The following SYTL5 variants were observed in gnomAD, a reference collection of about 807,000 sequenced individuals.
The protein encoded by SYTL5 is synaptotagmin like 5.
SYTL5 carries 34 observed loss-of-function variants against 55.9 expected under a neutral mutation model. The observed-to-expected ratio is 0.61, with a 90% CI of 0.46 to 0.81. The LOEUF (loss-of-function observed/expected upper bound fraction) is 0.81, where lower values mean the gene tolerates loss of function less well. Among genes scored for constraint, SYTL5 ranks in the 30% least tolerant of loss-of-function variants. SYTL5 has a pLI of 0.00. For synonymous variants in SYTL5, 221 were observed against 188.7 expected (o/e 1.17, Z -1.40); for missense variants, 637 against 546.7 (o/e 1.17, Z -1.65).
the SYTL5 span, among the ~76,000 whole-genome samples, chrX:37,977,706 A>T: frequency 1.6e-5 from 1 of 61,420 alleles, no homozygotes; most frequent in African/African-American, 1.6e-4. Context: ...ATGATCACAC[A>T]CACACACACA....
chrX:38,014,909 G>A (rs1404955220), intron 1 of SYTL5, among the ~76,000 whole-genome samples: 1 of 112,057 alleles, frequency 8.9e-6, no homozygotes, highest in Non-Finnish European at 1.9e-5. Flanking sequence ...AATTGTGAGG[G>A]AGGTATGTAG....
intron 16 of SYTL5, among the ~76,000 whole-genome samples, chrX:38,126,057 G>C (rs1434427315): frequency 8.9e-6 from 1 of 112,098 alleles, no homozygotes; most frequent in Non-Finnish European, 1.9e-5. Flanking sequence ...TTGGAAGAGG[G>C]ATTACAGTAG....
At chrX:38,035,271 G>A (rs1287542585) in intron 2 of SYTL5, among the ~76,000 whole-genome samples, 1 of 112,301 alleles carries the variant, frequency 8.9e-6, no homozygotes, top group Non-Finnish European at 1.9e-5. Context: ...GACATTAGTA[G>A]TCAAGTCATG....
Position 38,114,607 on chromosome X carries a change from T to C in SYTL5, c.1596+4125T>C, listed in dbSNP as rs763261829. The stretch of plus-strand genomic sequence containing the variant: ...TCATGTAAAATATGGTTTCTAAATA[T>C]GTATATATTATGGAATGGCTACATC... On this transcript the variant is annotated intron_variant, in intron 13 of 16. Transcript: ENST00000297875. 6.2e-5 allele frequency among the ~76,000 whole-genome samples: 7 copies of C among 112,066 alleles called. No homozygotes were observed. In the Admixed American group the frequency reaches 6.6e-4, roughly 11 times the overall value.
At chrX:38,085,260 C>G (rs748459727) in intron 6 of SYTL5, among the ~76,000 whole-genome samples, 1 of 111,741 alleles carries the variant, frequency 8.9e-6, no homozygotes, top group Admixed American at 9.5e-5. Context: ...TTGGAATCAC[C>G]TGGGGAGTTT....
the SYTL5 span, chrX:37,991,069 G>A: frequency 8.3e-7 from 1 of 1,209,677 alleles, no homozygotes; most frequent in Non-Finnish European, 1.1e-6. Context: ...AACAATGGCA[G>A]TATGCGCAAC....
chrX:37,993,445 A>G, the SYTL5 span, among the ~76,000 whole-genome samples: 1 of 112,379 alleles, frequency 8.9e-6, no homozygotes, highest in Non-Finnish European at 1.9e-5. Context: ...GCTCTGATAG[A>G]TGAATCCACT....
chrX:38,118,982 T>C (rs1417796330), intron 13 of SYTL5, among the ~76,000 whole-genome samples: 1 of 104,323 alleles, frequency 9.6e-6, no homozygotes, highest in African/African-American at 3.5e-5. Context: ...TGTACGCATA[T>C]ACATATATAT....
intron 3 of SYTL5, among the ~76,000 whole-genome samples, chrX:38,061,090 T>G (rs1935929958): frequency 8.9e-6 from 1 of 112,203 alleles, no homozygotes; most frequent in African/African-American, 3.2e-5. Context: ...AATTTCTGTC[T>G]TGATGCGTTA....
the SYTL5 span, among the ~76,000 whole-genome samples, chrX:37,945,447 A>G: frequency 9.0e-6 from 1 of 111,246 alleles, no homozygotes; most frequent in South Asian, 3.8e-4. Context: ...ACAGCGCCCA[A>G]AAGACTGGTG....
At chrX:37,921,941 C>T in the SYTL5 span, among the ~76,000 whole-genome samples, 3 of 111,804 alleles carry the variant, frequency 2.7e-5, no homozygotes, top group Non-Finnish European at 5.7e-5. Flanking sequence ...ACACTGACAA[C>T]GAAATGCTAC....
Position 38,083,774 on chromosome X carries a change from A to G in SYTL5, c.690-5672A>G, listed in dbSNP as rs200411408. On this transcript the variant is annotated intron_variant, in intron 6 of 16. Coordinates refer to ENST00000297875, the MANE Select transcript of SYTL5 (RefSeq NM_138780.3). ...AAGAGTTTAGTTTTTAAATAGACTC[A>G]TGTGTGTGTGTGTGTGTGTGTGTGT... Among the ~76,000 whole-genome samples the G allele has an allele frequency of 7.0e-3, 664 of 94,335 alleles. 23 individuals carry two copies. Among genetic ancestry groups the G allele is most frequent in the Admixed American group, 0.06 (505 of 8,463 alleles). 81.9% of individuals were successfully genotyped at this position (94,335 alleles called of 115,157 possible).
chrX:37,891,650 T>C, the SYTL5 span, among the ~76,000 whole-genome samples: 3 of 111,665 alleles, frequency 2.7e-5, no homozygotes, highest in African/African-American at 9.8e-5. Flanking sequence ...ATAAAGCTGA[T>C]ATACACACAT....
chrX:37,905,932 A>G, the SYTL5 span, among the ~76,000 whole-genome samples: 1 of 113,305 alleles, frequency 8.8e-6, no homozygotes, highest in Non-Finnish European at 1.9e-5. Flanking sequence ...CTCTCGAGGC[A>G]CTAGGTCCTG....
the SYTL5 span, among the ~76,000 whole-genome samples, chrX:37,974,253 T>TA: frequency 8.9e-6 from 1 of 112,295 alleles, no homozygotes; most frequent in Non-Finnish European, 1.9e-5. Flanking sequence ...TATTCTGTCA[T>TA]AAAAAGGAAT....
intron 2 of SYTL5, among the ~76,000 whole-genome samples, chrX:38,040,097 C>T (rs746034060): frequency 1.8e-5 from 2 of 110,168 alleles, no homozygotes; most frequent in South Asian, 3.9e-4. Context: ...TCGCTTGAAC[C>T]TGGGAGGTGG....
At chrX:38,109,967 C>A (rs886847386) in intron 12 of SYTL5, among the ~76,000 whole-genome samples, 1 of 110,427 alleles carries the variant, frequency 9.1e-6, no homozygotes, top group Non-Finnish European at 1.9e-5. Flanking sequence ...TATATTAAAC[C>A]TTGAGCTTAC....
chrX:38,093,112 T>A (rs377604999), intron 7 of SYTL5, among the ~76,000 whole-genome samples: 3 of 112,258 alleles, frequency 2.7e-5, no homozygotes, highest in Admixed American at 1.9e-4. Flanking sequence ...TGATAAACTT[T>A]TCTTGTTTAT....
At chrX:38,115,206 C>T (rs1375742872) in intron 13 of SYTL5, among the ~76,000 whole-genome samples, 3 of 109,478 alleles carry the variant, frequency 2.7e-5, no homozygotes, top group Admixed American at 9.6e-5. Context: ...TATTTCAGGC[C>T]GGGCGCGGTG....
Sources: gnomAD v4.1 joint callset for allele counts (sites outside exome capture counted in the v4.1 genomes callset) on GRCh38, gnomAD v4.1.1 for gene constraint, MANE v1.5 for transcripts, NCBI Gene and HGNC (gene_info 2026-07-23, HGNC 2026-07-21) for gene names.